Variants in EPHA6 observed in about 807,000 individuals in gnomAD.
EPHA6 encodes ephrin type-A receptor 6.
A neutral mutation model predicts 112.0 loss-of-function variants in EPHA6; 50 were observed. The observed-to-expected ratio is 0.45, with a 90% CI of 0.36 to 0.56. The LOEUF (loss-of-function observed/expected upper bound fraction) is 0.56. EPHA6 is among the 20% of genes least tolerant of loss of function. EPHA6 has a pLI of 0.00. For missense variants in EPHA6, 1,280 were observed against 1,417.4 expected (o/e 0.90, Z 1.56); for synonymous variants, 529 against 490.7 (o/e 1.08, Z -1.03).
rs374473682 is a variant in EPHA6 at position 97,000,123 on chromosome 3, T to TATTA, written c.1114+12131_1114+12134dup. Among the ~76,000 whole-genome samples, 202 of 151,882 alleles carry TATTA rather than the reference T, an allele frequency of 1.3e-3. 2 individuals carry two copies. Among genetic ancestry groups the TATTA allele is most frequent in the Admixed American group, 2.8e-3 (42 of 15,196 alleles). Reference sequence around the variant, plus strand: ...GCATATTAAAAAGTTATACCAAGGCTATTACTGTTGTGTAATATAGATTTT... The same window carrying TATTA: ...GCATATTAAAAAGTTATACCAAGGCTATTAATTACTGTTGTGTAATATAGATTTT... On this transcript the variant is annotated intron_variant, in intron 3 of 17. Transcript: ENST00000389672.
chr3:97,155,860 G>T (rs1264434382), intron 3 of EPHA6, among the ~76,000 whole-genome samples: 1 of 152,048 alleles, frequency 6.6e-6, no homozygotes, highest in Non-Finnish European at 1.5e-5. Flanking sequence ...TGCCCCTGCA[G>T]CCACCTCTCC....
chr3:97,610,784 C>G lies in EPHA6; in HGVS notation c.2513-9C>G. Reference sequence around the variant, plus strand: ...TCTAATCCATGTGTATTCTCTTGCTCTTTTGCAGGCAGACCAGTAATGATT... The same window carrying G: ...TCTAATCCATGTGTATTCTCTTGCTGTTTTGCAGGCAGACCAGTAATGATT... On this transcript the variant is annotated splice_polypyrimidine_tract_variant and intron_variant, in intron 12 of 17. Transcript: ENST00000389672. 2 of 1,610,270 alleles carry G rather than the reference C, an allele frequency of 1.2e-6. No individual in the cohort carries two copies. The highest frequency in any genetic ancestry group is 1.1e-5 in the South Asian group (1 of 90,744).
rs185878682 is a variant in EPHA6 at position 97,092,261 on chromosome 3, G to A, written c.1114+104268G>A. On this transcript the variant is annotated intron_variant, in intron 3 of 17. Transcript: ENST00000389672. ...TGTGTCTATACCCAGATCTTATTCT[G>A]CACCTGTCATTGTGCTGAGCAATGG... is the stretch of plus-strand genomic sequence containing the variant. 7.5e-4 allele frequency among the ~76,000 whole-genome samples: 114 copies of A among 151,936 alleles called. 1 individual carries two copies. The highest frequency in any genetic ancestry group is 2.5e-3 in the African/African-American group (105 of 41,444).
chr3:97,310,538 A>C (rs965302346), intron 5 of EPHA6, among the ~76,000 whole-genome samples: 48 of 143,142 alleles, frequency 3.4e-4, no homozygotes, highest in African/African-American at 1.4e-3. Context: ...ATTGATGCTC[A>C]AAAATATGAT....
intron 3 of EPHA6, among the ~76,000 whole-genome samples, chr3:97,030,513 T>C (rs1381704458): frequency 6.6e-6 from 1 of 152,098 alleles, no homozygotes; most frequent in Non-Finnish European, 1.5e-5. Context: ...TCTAACTTTT[T>C]TCTCCTCCTT....
At chr3:96,841,693 A>G (rs9846289) in intron 1 of EPHA6, among the ~76,000 whole-genome samples, 17,677 of 151,600 alleles carry the variant, frequency 0.12, 1,893 homozygotes, top group Admixed American at 0.24. Context: ...AGAAATCAAG[A>G]TCTATTGTTT....
intron 5 of EPHA6, among the ~76,000 whole-genome samples, chr3:97,320,822 A>AAAAAAAAAC (rs2082080329): frequency 7.2e-6 from 1 of 139,256 alleles, no homozygotes; most frequent in African/African-American, 2.9e-5. Context: ...GGGGCAAAAA[A>AAAAAAAAAC]TAAAAAAAAT....
intron 13 of EPHA6, among the ~76,000 whole-genome samples, chr3:97,619,195 G>A (rs1195020200): frequency 6.6e-6 from 1 of 151,976 alleles, no homozygotes; most frequent in African/African-American, 2.4e-5. Flanking sequence ...TGCAGAAAAG[G>A]CTTTTGATGA....
intron 2 of EPHA6, among the ~76,000 whole-genome samples, chr3:96,932,074 C>A (rs2040354014): frequency 6.6e-6 from 1 of 152,132 alleles, no homozygotes; most frequent in African/African-American, 2.4e-5. Context: ...GGCAGGGTCA[C>A]ACAGTCATTC....
chr3:97,566,019 A>G (rs2093261546), intron 11 of EPHA6, among the ~76,000 whole-genome samples: 1 of 85,502 alleles, frequency 1.2e-5, no homozygotes. Flanking sequence ...ACACCGTCTC[A>G]AAAAAAAAAA....
chr3:97,019,359 G>A (rs1214738842), intron 3 of EPHA6, among the ~76,000 whole-genome samples: 1 of 152,018 alleles, frequency 6.6e-6, no homozygotes, highest in Non-Finnish European at 1.5e-5. Context: ...TCACACATAT[G>A]TACTAATCAT....
At chr3:97,744,997 C>T (rs1490059845) in intron 16 of EPHA6, among the ~76,000 whole-genome samples, 2 of 151,908 alleles carry the variant, frequency 1.3e-5, no homozygotes, top group Non-Finnish European at 2.9e-5. Flanking sequence ...TAACAAGCAA[C>T]AAGGATATCC....
At chr3:97,053,725 A>G (rs1576399203) in intron 3 of EPHA6, among the ~76,000 whole-genome samples, 1 of 152,240 alleles carries the variant, frequency 6.6e-6, no homozygotes, top group East Asian at 1.9e-4. Flanking sequence ...AAATCTGATA[A>G]TGTAGTTTAA....
intron 3 of EPHA6, among the ~76,000 whole-genome samples, chr3:97,224,881 G>T (rs189092934): frequency 6.6e-6 from 1 of 151,196 alleles, no homozygotes; most frequent in East Asian, 1.9e-4. Context: ...TAGATTAAAG[G>T]TATTACTTCA....
chr3:97,545,550 G>A (rs2092932299), intron 11 of EPHA6, among the ~76,000 whole-genome samples: 1 of 152,148 alleles, frequency 6.6e-6, no homozygotes. Flanking sequence ...TGTTGATTTG[G>A]GGTGGAGAGT....
intron 10 of EPHA6, among the ~76,000 whole-genome samples, chr3:97,504,759 C>A (rs1275978620): frequency 6.6e-6 from 1 of 152,144 alleles, no homozygotes; most frequent in African/African-American, 2.4e-5. Flanking sequence ...ATTTCCTAAG[C>A]ACAAAGTTTA....
intron 3 of EPHA6, among the ~76,000 whole-genome samples, chr3:97,048,834 AAAC>A (rs1438750479): frequency 9.2e-5 from 14 of 152,196 alleles, no homozygotes; most frequent in African/African-American, 3.1e-4. Context: ...ATACATTAAA[AAAC>A]AAATGCTGCA....
intron 13 of EPHA6, among the ~76,000 whole-genome samples, chr3:97,630,937 A>G (rs1699254569): frequency 6.6e-6 from 1 of 152,112 alleles, no homozygotes; most frequent in South Asian, 2.1e-4. Context: ...TCCACCTTAT[A>G]AAACCACCTG....
chr3:97,071,052 G>A (rs541665514), intron 3 of EPHA6, among the ~76,000 whole-genome samples: 2 of 151,988 alleles, frequency 1.3e-5, no homozygotes, highest in Admixed American at 6.6e-5. Flanking sequence ...CATCTCCCAC[G>A]AGAAAAATAG....
Sources: allele counts gnomAD v4.1 joint callset (sites outside exome capture counted in the v4.1 genomes callset), GRCh38; gene constraint gnomAD v4.1.1; transcripts MANE v1.5; gene names NCBI Gene and HGNC (gene_info 2026-07-23, HGNC 2026-07-21).